The following RSBN1 variants were observed in gnomAD, a reference collection of about 807,000 sequenced individuals.
RSBN1 encodes lysine-specific demethylase 9.
Under a neutral mutation model 74.8 loss-of-function variants are expected in RSBN1, and 23 were observed. The observed-to-expected ratio is 0.31, with a 90% CI of 0.22 to 0.44. The LOEUF is 0.44. RSBN1 is among the 20% of genes least tolerant of loss of function. RSBN1 has a pLI of 1.00. For missense variants in RSBN1, 808 were observed against 1,020.9 expected, an observed-to-expected ratio of 0.79 and a Z score of 2.84; for synonymous variants, 407 against 379.6, an observed-to-expected ratio of 1.07 and a Z score of -0.84.
chr1:113,792,848 G>A (rs1410973376), intron 2 of RSBN1, among the ~76,000 whole-genome samples: 1 of 151,998 alleles, frequency 6.6e-6, no homozygotes, highest in Non-Finnish European at 1.5e-5. Flanking sequence ...AAGGGAGGAA[G>A]GAAGGAAACT....
intron 4 of RSBN1, among the ~76,000 whole-genome samples, chr1:113,776,798 G>A (rs1480454275): frequency 7.5e-6 from 1 of 132,828 alleles, no homozygotes; most frequent in African/African-American, 3.0e-5. Context: ...GCAACAGAGT[G>A]AGACCCTATC....
chr1:113,789,381 G>A (rs183690431), intron 2 of RSBN1, among the ~76,000 whole-genome samples: 1 of 152,306 alleles, frequency 6.6e-6, no homozygotes, highest in East Asian at 1.9e-4. Context: ...AGAAGCTCCT[G>A]TGCTCGGGAC....
intron 1 of RSBN1, among the ~76,000 whole-genome samples, chr1:113,801,492 G>A (rs1660583649): frequency 6.6e-6 from 1 of 152,152 alleles, no homozygotes; most frequent in African/African-American, 2.4e-5. Context: ...GGCCACTGTT[G>A]CTTTATGAGA....
rs777187906 is a variant in RSBN1 at position 113,766,097 on chromosome 1, T to C, written c.2292A>G (p.Ser764=). The change falls in exon 7 of 7, where the codon TCA becomes TCG. Residue 764 remains serine, a synonymous_variant. Transcript: ENST00000261441. Reference sequence around the variant, plus strand: ...TCTGATCTTGCTGTAGATTAAGTTCTGATGCAGGTGGGAAAGATGATGAAG... The same window carrying C: ...TCTGATCTTGCTGTAGATTAAGTTCCGATGCAGGTGGGAAAGATGATGAAG... ...TTASSSFPPA[S]ELNLQQDQKT... is the part of the protein sequence containing the mutation. The C allele has an allele frequency of 1.9e-6, 3 of 1,614,026 alleles. No individual in the cohort carries two copies. The highest frequency in any genetic ancestry group is 2.5e-6 in the Non-Finnish European group (3 of 1,179,972).
intron 2 of RSBN1, among the ~76,000 whole-genome samples, chr1:113,788,664 C>G (rs1014100759): frequency 6.6e-6 from 1 of 152,058 alleles, no homozygotes; most frequent in African/African-American, 2.4e-5. Flanking sequence ...AATGACCCAT[C>G]AATCAAATGT....
chr1:113,770,631 T>C (rs1417159515), intron 4 of RSBN1, among the ~76,000 whole-genome samples: 3 of 152,188 alleles, frequency 2.0e-5, no homozygotes, highest in African/African-American at 7.2e-5. Flanking sequence ...CACTCTAAGT[T>C]GACAACTGAC....
intron 5 of RSBN1, 102 bp from the exon 6 acceptor site, chr1:113,767,309 A>T (rs1659800153): frequency 1.7e-6 from 1 of 586,778 alleles, no homozygotes; most frequent in Non-Finnish European, 2.9e-6. Flanking sequence ...ACCAGCAGAG[A>T]AATAGATGCA....
intron 4 of RSBN1, among the ~76,000 whole-genome samples, chr1:113,772,353 A>T (rs1659900386): frequency 6.6e-6 from 1 of 152,118 alleles, no homozygotes; most frequent in African/African-American, 2.4e-5. Context: ...TATATCATAC[A>T]TATATGCAAC....
chr1:113,805,319 G>A (rs1482726665), intron 1 of RSBN1, among the ~76,000 whole-genome samples: 1 of 152,030 alleles, frequency 6.6e-6, no homozygotes, highest in Non-Finnish European at 1.5e-5. Flanking sequence ...TCAAACTCCC[G>A]ACCTCGTGAT....
chr1:113,782,733 C>T (rs1441912995), intron 2 of RSBN1, among the ~76,000 whole-genome samples: 2 of 152,118 alleles, frequency 1.3e-5, no homozygotes, highest in Admixed American at 1.3e-4. Context: ...CACTGTTGAC[C>T]ATAATGTCTG....
intron 1 of RSBN1, among the ~76,000 whole-genome samples, chr1:113,801,894 T>A (rs1053817541): frequency 6.6e-6 from 1 of 152,184 alleles, no homozygotes; most frequent in Non-Finnish European, 1.5e-5. Flanking sequence ...TATCAATTAA[T>A]GTCATCTGAT....
At chr1:113,792,929 C>T (rs1660395056) in intron 2 of RSBN1, among the ~76,000 whole-genome samples, 1 of 152,144 alleles carries the variant, frequency 6.6e-6, no homozygotes. Flanking sequence ...CTTACTGTTT[C>T]AATGGACATA....
At chr1:113,788,298 A>G (rs940818181) in intron 2 of RSBN1, among the ~76,000 whole-genome samples, 1 of 152,130 alleles carries the variant, frequency 6.6e-6, no homozygotes, top group Non-Finnish European at 1.5e-5. Context: ...AAGAAAATTA[A>G]CAAGTAATAC....
intron 6 of RSBN1, 34 bp downstream of exon 6, chr1:113,767,065 A>G: frequency 8.2e-7 from 1 of 1,226,836 alleles, no homozygotes. Flanking sequence ...TTTACTTCTA[A>G]TATCGCAAAT....
chr1:113,773,541 A>C (rs544879234), intron 4 of RSBN1, among the ~76,000 whole-genome samples: 1 of 152,264 alleles, frequency 6.6e-6, no homozygotes, highest in African/African-American at 2.4e-5. Context: ...TTTTAAAATA[A>C]AATAAAATGG....
chr1:113,791,921 A>G (rs1660374417), intron 2 of RSBN1, among the ~76,000 whole-genome samples: 1 of 152,184 alleles, frequency 6.6e-6, no homozygotes, highest in Non-Finnish European at 1.5e-5. Flanking sequence ...ATGTTAATCA[A>G]TCAAAGATCA....
chr1:113,782,841 G>C (rs773952042), intron 2 of RSBN1, among the ~76,000 whole-genome samples: 1 of 152,106 alleles, frequency 6.6e-6, no homozygotes, highest in Non-Finnish European at 1.5e-5. Flanking sequence ...CCAGAACTGG[G>C]GTGAGGTGAT....
At chr1:113,789,065 G>A in intron 2 of RSBN1, among the ~76,000 whole-genome samples, 1 of 152,024 alleles carries the variant, frequency 6.6e-6, no homozygotes, top group Non-Finnish European at 1.5e-5. Flanking sequence ...TCTCCAAATA[G>A]CTCTATTTTT....
intron 4 of RSBN1, among the ~76,000 whole-genome samples, chr1:113,774,308 T>C (rs1015288040): frequency 1.3e-4 from 20 of 152,044 alleles, no homozygotes; most frequent in African/African-American, 4.8e-4. Context: ...AAATACTGTT[T>C]ACATTGAAAA....
Sources: allele counts gnomAD v4.1 joint callset (sites outside exome capture counted in the v4.1 genomes callset), GRCh38; gene constraint gnomAD v4.1.1; transcripts MANE v1.5; gene names NCBI Gene and HGNC (gene_info 2026-07-23, HGNC 2026-07-21).